Variants in NRXN3 observed in about 807,000 individuals in gnomAD.
NRXN3 encodes neurexin 3.
In NRXN3, 32 loss-of-function variants were observed where a neutral mutation model predicts 137.6. The observed-to-expected ratio is 0.23, with a 90% CI of 0.18 to 0.31. The LOEUF (loss-of-function observed/expected upper bound fraction) is 0.31. NRXN3 is among the 10% of genes least tolerant of loss of function. The pLI, the probability that NRXN3 is intolerant of heterozygous loss-of-function variation, is 1.00. For synonymous variants in NRXN3, 798 were observed against 784.5 expected (o/e 1.02, Z -0.29); for missense variants, 1,574 against 2,062.5 (o/e 0.76, Z 4.59).
intron 17 of NRXN3, among the ~76,000 whole-genome samples, chr14:79,680,796 G>A (rs1161642336): frequency 1.3e-5 from 2 of 152,106 alleles, no homozygotes; most frequent in Admixed American, 6.5e-5. Flanking sequence ...AGTAAATTCA[G>A]AATTCAGCCT....
In NRXN3 at chr14:78,968,346, G is replaced by A; in HGVS notation, c.3142G>A (p.Gly1048Arg). The change falls in exon 14 of 21, where the codon GGA becomes AGA. Residue 1048 changes from glycine to arginine, a missense_variant and splice_region_variant. Coordinates refer to ENST00000335750, the MANE Select transcript of NRXN3 (RefSeq NM_001330195.2). ...RSGQIERGCEGPSTTCQEDSC... is the reference protein window; with the variant it reads ...RSGQIERGCERPSTTCQEDSC... Reference sequence around the variant, plus strand: ...CGGACAGATCGAGCGTGGCTGTGAAGGTACAACCTATTTTTTTCTTGTTAA... The same window carrying A: ...CGGACAGATCGAGCGTGGCTGTGAAAGTACAACCTATTTTTTTCTTGTTAA... 1 of 1,612,066 alleles carries A rather than the reference G, an allele frequency of 6.2e-7. No individual in the cohort carries two copies. The highest frequency in any genetic ancestry group is 8.5e-7 in the Non-Finnish European group (1 of 1,178,596).
intron 4 of NRXN3, among the ~76,000 whole-genome samples, chr14:78,606,594 T>C (rs932320734): frequency 9.2e-5 from 14 of 152,226 alleles, no homozygotes; most frequent in African/African-American, 3.4e-4. Flanking sequence ...AAGCCATGTT[T>C]TATTGAAATC....
At chr14:79,375,079 A>G (rs1599364597) in intron 15 of NRXN3, among the ~76,000 whole-genome samples, 1 of 152,160 alleles carries the variant, frequency 6.6e-6, no homozygotes, top group Non-Finnish European at 1.5e-5. Flanking sequence ...TGATTAAAAA[A>G]TGGATGTGAG....
intron 6 of NRXN3, among the ~76,000 whole-genome samples, chr14:78,660,602 C>G (rs972096896): frequency 6.6e-6 from 1 of 152,160 alleles, no homozygotes; most frequent in Non-Finnish European, 1.5e-5. Flanking sequence ...TGGCCACTAT[C>G]TTGCCACCAT....
At chr14:78,475,657 T>G (rs1319335898) in intron 4 of NRXN3, among the ~76,000 whole-genome samples, 1 of 151,602 alleles carries the variant, frequency 6.6e-6, no homozygotes, top group East Asian at 1.9e-4. Flanking sequence ...AGACAAAGAG[T>G]ATTTCAGCCT....
intron 16 of NRXN3, among the ~76,000 whole-genome samples, chr14:79,587,406 C>A (rs1159029849): frequency 1.3e-5 from 2 of 152,204 alleles, no homozygotes; most frequent in African/African-American, 4.8e-5. Context: ...TGGATGACTG[C>A]CATGATTTGC....
At chr14:78,941,298 A>G (rs960690165) in intron 10 of NRXN3, among the ~76,000 whole-genome samples, 1 of 152,156 alleles carries the variant, frequency 6.6e-6, no homozygotes, top group Non-Finnish European at 1.5e-5. Context: ...ATCCCAGTCA[A>G]TATAAGCTCA....
In NRXN3 at chr14:79,771,145, C is replaced by G. The variant is rs560853040; in HGVS notation, c.4015-33967C>G. Among the ~76,000 whole-genome samples the G allele has an allele frequency of 1.5e-4, 23 of 152,168 alleles. No homozygotes were observed. The East Asian group carries it at 2.5e-3, about 17-fold the overall frequency. ...GTGGCAATAATCAATAGCTTGCCAA[C>G]CAAAAAGAGTCCAGGACCAGATGGA... is the stretch of plus-strand genomic sequence containing the variant. On this transcript the variant is annotated intron_variant, in intron 19 of 20. Transcript: ENST00000335750.
At chr14:78,564,665 G>T (rs1224563601) in intron 4 of NRXN3, among the ~76,000 whole-genome samples, 2 of 152,108 alleles carry the variant, frequency 1.3e-5, no homozygotes, top group Non-Finnish European at 2.9e-5. Context: ...GATCTGGTCT[G>T]CATTTTCCAG....
chr14:78,994,874 A>C (rs552450512), intron 15 of NRXN3, among the ~76,000 whole-genome samples: 8 of 152,326 alleles, frequency 5.3e-5, no homozygotes, highest in African/African-American at 1.9e-4. Flanking sequence ...TAGGACCTTT[A>C]TAAGGATATC....
chr14:78,836,638 A>G (rs760486769), intron 10 of NRXN3, among the ~76,000 whole-genome samples: 33 of 152,230 alleles, frequency 2.2e-4, no homozygotes, highest in Admixed American at 5.2e-4. Context: ...AAAGGAAAAT[A>G]AAACAGCATA....
chr14:78,220,670 A>C (rs1424888754), intron 1 of NRXN3, among the ~76,000 whole-genome samples: 1 of 152,020 alleles, frequency 6.6e-6, no homozygotes, highest in Admixed American at 6.6e-5. Flanking sequence ...GCAGGGGGTG[A>C]GTGGGGAGCC....
intron 4 of NRXN3, among the ~76,000 whole-genome samples, chr14:78,495,325 G>A (rs1346479530): frequency 6.6e-6 from 1 of 151,980 alleles, no homozygotes; most frequent in African/African-American, 2.4e-5. Flanking sequence ...TTTTACCTAT[G>A]AGGAAGATAA....
chr14:78,901,972 G>GT, intron 10 of NRXN3, among the ~76,000 whole-genome samples: 1 of 152,164 alleles, frequency 6.6e-6, no homozygotes, highest in East Asian at 1.9e-4. Flanking sequence ...CTATTTGAAG[G>GT]TTGTCGGGTA....
intron 15 of NRXN3, among the ~76,000 whole-genome samples, chr14:79,043,981 T>C (rs1393461911): frequency 2.0e-5 from 3 of 152,202 alleles, no homozygotes; most frequent in Non-Finnish European, 4.4e-5. Flanking sequence ...CATCTGAGGA[T>C]GACCCACTAG....
chr14:78,556,970 C>T (rs1344731404), intron 4 of NRXN3, among the ~76,000 whole-genome samples: 40 of 106,546 alleles, frequency 3.8e-4, no homozygotes, highest in African/African-American at 1.4e-3. Flanking sequence ...CTCCCCTCCC[C>T]TCCCTCCCTT....
intron 15 of NRXN3, among the ~76,000 whole-genome samples, chr14:79,072,886 CTTT>C (rs11424011): frequency 1.4e-5 from 2 of 139,228 alleles, no homozygotes; most frequent in Non-Finnish European, 1.5e-5. Context: ...CTCTCTCTCT[CTTT>C]TTTTTTTTTT....
Position 78,173,709 on chromosome 14 carries a change from C to CTTTTTTTTTTTT in NRXN3, c.-704+3039_-704+3050dup, listed in dbSNP as rs10638142. Among the ~76,000 whole-genome samples the CTTTTTTTTTTTT allele has an allele frequency of 2.3e-3, 157 of 69,328 alleles. 31 individuals are homozygous for CTTTTTTTTTTTT. Among genetic ancestry groups the CTTTTTTTTTTTT allele is most frequent in the African/African-American group, 7.0e-3 (113 of 16,240 alleles). The allele number at this position is 69,328 out of a possible 152,430, so 45.5% of individuals were successfully genotyped here. A position where few individuals can be genotyped will look rare whatever the true frequency, so the allele number is the denominator to read the frequency against. On this transcript the variant is annotated intron_variant, in intron 1 of 20. Transcript: ENST00000335750. ...CGGCTCTTTTTTCCCTTTTTCCTTG[C>CTTTTTTTTTTTT]TTTTTTTTTTTTTTTGCAACACAAC...
chr14:78,511,801 A>G (rs987360425), intron 4 of NRXN3, among the ~76,000 whole-genome samples: 8 of 152,090 alleles, frequency 5.3e-5, no homozygotes, highest in African/African-American at 1.9e-4. Flanking sequence ...TCATTTTCCT[A>G]CTTCCAGGAG....
Sources: allele counts gnomAD v4.1 joint callset (sites outside exome capture counted in the v4.1 genomes callset), GRCh38; gene constraint gnomAD v4.1.1; transcripts MANE v1.5; gene names NCBI Gene and HGNC (gene_info 2026-07-23, HGNC 2026-07-21).